GLIS3: variants seen among roughly 807,000 people sequenced by gnomAD.
GLIS3 encodes GLIS family zinc finger 3, also known as zinc finger protein GLIS3.
In GLIS3, 53 loss-of-function variants were observed where a neutral mutation model predicts 78.6. That is an observed-to-expected ratio of 0.67 (90% CI 0.54 to 0.85). GLIS3 has a LOEUF of 0.85. Among genes scored for constraint, GLIS3 ranks in the 40% least tolerant of loss-of-function variants. The pLI is 0.00. For missense variants in GLIS3, 1,703 were observed against 1,231.1 expected (o/e 1.38, Z -5.74); for synonymous variants, 684 against 509.9 (o/e 1.34, Z -4.60).
At chr9:4,220,262 G>C (rs1448988675) in intron 2 of GLIS3, among the ~76,000 whole-genome samples, 1 of 152,204 alleles carries the variant, frequency 6.6e-6, no homozygotes, top group Non-Finnish European at 1.5e-5. Flanking sequence ...GATGGAGTTA[G>C]AAAATGATTA....
At chr9:3,953,798 TATATATA>T (rs368174400) in intron 4 of GLIS3, among the ~76,000 whole-genome samples, 49,226 of 103,630 alleles carry the variant, frequency 0.48, 8,531 homozygotes, top group Middle Eastern at 0.57. Context: ...TCTCTCTCTA[TATATATA>T]TATATATATA....
chr9:3,922,061 G>C (rs1446689027), intron 6 of GLIS3, among the ~76,000 whole-genome samples: 1 of 152,138 alleles, frequency 6.6e-6, no homozygotes, highest in African/African-American at 2.4e-5. Flanking sequence ...TATGTTGTAA[G>C]GAATTTATTT....
chr9:4,157,657 C>A (rs1035526913), intron 2 of GLIS3, among the ~76,000 whole-genome samples: 1 of 152,160 alleles, frequency 6.6e-6, no homozygotes, highest in Non-Finnish European at 1.5e-5. Flanking sequence ...AATATTCAAT[C>A]CACATTTGCA....
the GLIS3 span, among the ~76,000 whole-genome samples, chr9:4,394,327 CAT>C: frequency 1.3e-5 from 2 of 151,152 alleles, no homozygotes; most frequent in Admixed American, 1.3e-4. Context: ...ATTATTATCT[CAT>C]AATTTTAAAA....
Position 3,898,747 on chromosome 9 carries a change from G to A in GLIS3, c.2072C>T (p.Ala691Val), listed in dbSNP as rs747988294. ...GCGTCCCACGGTCCCTTCAGCAGCA[G>A]CATCTCTAGGGGAAGTGGCCGGCTG... ...SLQPATSPRD[A>V]AAEGTVGRSP... Residue 691 changes from alanine (A) to valine (V), a missense_variant, in exon 7 of 11, where the codon GCT (alanine) becomes GTT (valine). Physicochemically the swap from Ala to Val is moderately conservative, Grantham distance 64. Coordinates refer to ENST00000381971, the MANE Select transcript of GLIS3 (RefSeq NM_001042413.2). The A allele has an allele frequency of 9.3e-6, 15 of 1,614,070 alleles. No individual in the cohort carries two copies. In the East Asian group the frequency reaches 1.3e-4, roughly 14 times the overall value.
chr9:4,377,846 G>A, the GLIS3 span, among the ~76,000 whole-genome samples: 5 of 152,092 alleles, frequency 3.3e-5, no homozygotes, highest in South Asian at 4.1e-4. Flanking sequence ...AAAAACAGTC[G>A]TGATCTCTAA....
chr9:3,837,837 C>T (rs1346099330), intron 9 of GLIS3, among the ~76,000 whole-genome samples: 1 of 152,126 alleles, frequency 6.6e-6, no homozygotes, highest in Non-Finnish European at 1.5e-5. Context: ...GGATAGATGC[C>T]ATTATACATT....
chr9:4,366,986 C>T, the GLIS3 span, among the ~76,000 whole-genome samples: 18 of 152,322 alleles, frequency 1.2e-4, no homozygotes, highest in African/African-American at 3.8e-4. Context: ...CCCTGAATTC[C>T]GTGAATGAAG....
At chr9:3,873,263 C>T (rs1480903319) in intron 8 of GLIS3, among the ~76,000 whole-genome samples, 2 of 152,160 alleles carry the variant, frequency 1.3e-5, no homozygotes, top group Non-Finnish European at 2.9e-5. Context: ...CCAAACCAGA[C>T]AAAGTCACAA....
intron 4 of GLIS3, among the ~76,000 whole-genome samples, chr9:4,094,823 G>C (rs1829810928): frequency 1.3e-5 from 2 of 151,952 alleles, no homozygotes; most frequent in South Asian, 4.1e-4. Flanking sequence ...TCACAAACTA[G>C]GACAAAATTT....
intron 2 of GLIS3, among the ~76,000 whole-genome samples, chr9:4,321,215 T>C (rs1017186590): frequency 4.8e-5 from 7 of 145,274 alleles, no homozygotes; most frequent in South Asian, 2.2e-4. Flanking sequence ...GGTCAGGAGA[T>C]CGAGACCATC....
At chr9:4,400,419 T>A in the GLIS3 span, among the ~76,000 whole-genome samples, 1 of 152,216 alleles carries the variant, frequency 6.6e-6, no homozygotes, top group Non-Finnish European at 1.5e-5. Flanking sequence ...CTTAAATTAT[T>A]TTGAGCCTTA....
chr9:4,072,305 C>T (rs1827681166), intron 4 of GLIS3, among the ~76,000 whole-genome samples: 1 of 152,140 alleles, frequency 6.6e-6, no homozygotes, highest in Non-Finnish European at 1.5e-5. Context: ...GCTCTCTACG[C>T]CATTCACAAT....
chr9:4,350,821 GTTTGTT>G (rs1387313182), upstream of GLIS3, among the ~76,000 whole-genome samples: 7 of 152,022 alleles, frequency 4.6e-5, no homozygotes, highest in Non-Finnish European at 7.4e-5. Context: ...TTTTGTTTTT[GTTTGTT>G]TTTGTTTTCT....
At chr9:4,250,779 T>C (rs1215028206) in intron 2 of GLIS3, among the ~76,000 whole-genome samples, 1 of 152,232 alleles carries the variant, frequency 6.6e-6, no homozygotes, top group Non-Finnish European at 1.5e-5. Flanking sequence ...AAACACTGCT[T>C]TAGCTGTGTC....
At chr9:4,157,518 G>C (rs559623434) in intron 2 of GLIS3, among the ~76,000 whole-genome samples, 1 of 152,186 alleles carries the variant, frequency 6.6e-6, no homozygotes, top group South Asian at 2.1e-4. Context: ...TTTAGTACCA[G>C]GGAACGATCT....
the GLIS3 span, among the ~76,000 whole-genome samples, chr9:4,472,093 A>G: frequency 6.6e-6 from 1 of 152,244 alleles, no homozygotes; most frequent in Non-Finnish European, 1.5e-5. Flanking sequence ...CAGTCATTAA[A>G]AAGTCAGGAA....
the GLIS3 span, among the ~76,000 whole-genome samples, chr9:4,353,640 C>T: frequency 6.6e-6 from 1 of 152,100 alleles, no homozygotes; most frequent in South Asian, 2.1e-4. Context: ...CAAAACGGGC[C>T]GTAATCTGGA....
chr9:4,424,674 C>T, the GLIS3 span, among the ~76,000 whole-genome samples: 3 of 152,314 alleles, frequency 2.0e-5, no homozygotes, highest in Admixed American at 1.3e-4. Flanking sequence ...AGGGATCCTC[C>T]CGCCTCAGCC....
Sources: gnomAD v4.1 joint callset for allele counts (sites outside exome capture counted in the v4.1 genomes callset) on GRCh38, gnomAD v4.1.1 for gene constraint, MANE v1.5 for transcripts, NCBI Gene and HGNC (gene_info 2026-07-23, HGNC 2026-07-21) for gene names.